Variants in SNTG1 observed in about 807,000 individuals in gnomAD.
SNTG1 encodes syntrophin gamma 1, also known as gamma-1-syntrophin.
SNTG1 carries 39 observed loss-of-function variants against 74.7 expected under a neutral mutation model. That is an observed-to-expected ratio of 0.52 (90% CI 0.40 to 0.68). The LOEUF is 0.68. SNTG1 is among the 30% of genes least tolerant of loss of function. The pLI, the probability that SNTG1 is intolerant of heterozygous loss-of-function variation, is 0.00. For synonymous variants in SNTG1, 254 were observed against 217.1 expected, an observed-to-expected ratio of 1.17 and a Z score of -1.49; for missense variants, 685 against 609.5, an observed-to-expected ratio of 1.12 and a Z score of -1.30.
chr8:50,013,935 T>C (rs961040576), intron 1 of SNTG1, among the ~76,000 whole-genome samples: 1 of 151,870 alleles, frequency 6.6e-6, no homozygotes, highest in African/African-American at 2.4e-5. Flanking sequence ...TTCCTCTAAC[T>C]CAATGTTAAT....
intron 2 of SNTG1, among the ~76,000 whole-genome samples, chr8:50,218,492 TA>T (rs2084905025): frequency 6.6e-6 from 1 of 152,172 alleles, no homozygotes; most frequent in African/African-American, 2.4e-5. Context: ...TAAAAATAAC[TA>T]TTTTTCTTAA....
rs111843813 is a variant in SNTG1, at chr8:50,331,531, A to G, written c.-27-62681A>G. Among the ~76,000 whole-genome samples the G allele has an allele frequency of 6.0e-3, 915 of 152,326 alleles. 7 individuals are homozygous for G. The highest frequency in any genetic ancestry group is 0.021 in the African/African-American group (857 of 41,578). On this transcript the variant is annotated intron_variant, in intron 2 of 18. Transcript: ENST00000642720. ...CTGAGAATCAGATGATACAGTGTCC[A>G]TGGTCAGAATTTTTCCATTTCAGTC...
chr8:50,092,842 G>A (rs1380901007), intron 1 of SNTG1, among the ~76,000 whole-genome samples: 1 of 152,098 alleles, frequency 6.6e-6, no homozygotes, highest in Non-Finnish European at 1.5e-5. Flanking sequence ...CTAGATTCTA[G>A]TAATGCAAAG....
intron 9 of SNTG1, among the ~76,000 whole-genome samples, chr8:50,516,562 G>C (rs1047371121): frequency 3.9e-5 from 6 of 152,126 alleles, no homozygotes; most frequent in African/African-American, 1.2e-4. Context: ...AAAGGTTAGA[G>C]GAATTGCTAA....
chr8:50,701,662 T>TCTTCTTCTTC (rs2095425087), intron 15 of SNTG1, among the ~76,000 whole-genome samples: 1 of 144,530 alleles, frequency 6.9e-6, no homozygotes, highest in Admixed American at 6.8e-5. Flanking sequence ...TTCTTCCTCT[T>TCTTCTTCTTC]CTTCTTCTTC....
intron 1 of SNTG1, among the ~76,000 whole-genome samples, chr8:50,132,010 G>A (rs1353778578): frequency 6.6e-6 from 1 of 151,950 alleles, no homozygotes; most frequent in Non-Finnish European, 1.5e-5. Context: ...TTATTTCTGG[G>A]TTTTCTATTT....
At chr8:50,432,171 T>A (rs1260028056) in intron 4 of SNTG1, among the ~76,000 whole-genome samples, 1 of 152,250 alleles carries the variant, frequency 6.6e-6, no homozygotes, top group Non-Finnish European at 1.5e-5. Flanking sequence ...AGCCTATCTA[T>A]GATACACTGT....
intron 18 of SNTG1, among the ~76,000 whole-genome samples, chr8:50,753,851 C>A (rs1463049108): frequency 6.6e-6 from 1 of 151,858 alleles, no homozygotes; most frequent in African/African-American, 2.4e-5. Context: ...TGTTGAAATT[C>A]TTTAAAGTCA....
chr8:50,382,699 A>G (rs1387701443), intron 2 of SNTG1, among the ~76,000 whole-genome samples: 1 of 152,220 alleles, frequency 6.6e-6, no homozygotes, highest in Non-Finnish European at 1.5e-5. Context: ...AAAATATTAC[A>G]CAATAAAACA....
Position 50,536,822 on chromosome 8 carries a change from T to C in SNTG1, c.680+14T>C. On this transcript the variant is annotated intron_variant, in intron 11 of 18. Transcript: ENST00000642720. ...AGATTTGAGTCGGTGAGTCCGTGTT[T>C]AGGAGTTATGACTGTTTTGTTTATG... 1 of 1,613,428 alleles carries C rather than the reference T, an allele frequency of 6.2e-7. No individual in the cohort carries two copies. The highest frequency in any genetic ancestry group is 8.5e-7 in the Non-Finnish European group (1 of 1,179,602).
intron 1 of SNTG1, among the ~76,000 whole-genome samples, chr8:50,160,524 C>T (rs2082382933): frequency 6.6e-6 from 1 of 152,072 alleles, no homozygotes; most frequent in Admixed American, 6.6e-5. Context: ...TCTGTGCTTT[C>T]ATTTTATATC....
chr8:50,209,831 C>T (rs554690778), intron 2 of SNTG1, among the ~76,000 whole-genome samples: 14 of 152,294 alleles, frequency 9.2e-5, no homozygotes, highest in East Asian at 1.9e-4. Context: ...TCCAAAGGAA[C>T]GTAGCTCCTC....
intron 8 of SNTG1, among the ~76,000 whole-genome samples, chr8:50,463,703 T>C (rs2093586429): frequency 6.6e-6 from 1 of 152,118 alleles, no homozygotes; most frequent in South Asian, 2.1e-4. Flanking sequence ...TTAAAGTCGC[T>C]AGCATTTTCA....
Position 50,793,980 on chromosome 8 carries a change from G to A in SNTG1, c.*1151G>A, listed in dbSNP as rs148973803. 161 of 151,870 alleles carry A rather than the reference G, an allele frequency of 1.1e-3. No homozygotes were observed. The highest frequency in any genetic ancestry group is 3.6e-3 in the African/African-American group (150 of 41,420). 9.4% of individuals were successfully genotyped at this position (151,870 alleles called of 1,614,324 possible). A position where few individuals can be genotyped will look rare whatever the true frequency, so the allele number is the denominator to read the frequency against. ...TGTCCTAAGAATGTAAATGTGAAAG[G>A]CTGGGAAATTTGAAAGCCTTAGAGG... On this transcript the variant is annotated 3_prime_UTR_variant, in exon 19 of 19. Transcript: ENST00000642720.
At chr8:50,691,741 C>T (rs2095380679) in intron 15 of SNTG1, among the ~76,000 whole-genome samples, 1 of 152,114 alleles carries the variant, frequency 6.6e-6, no homozygotes. Flanking sequence ...AGTTGCTCTT[C>T]TTAAGGAGTA....
chr8:50,610,964 G>C (rs2094845483), intron 13 of SNTG1, among the ~76,000 whole-genome samples: 1 of 113,552 alleles, frequency 8.8e-6, no homozygotes, highest in Non-Finnish European at 1.7e-5. Flanking sequence ...GACACTGGTA[G>C]ATAAGAAATA....
intron 8 of SNTG1, among the ~76,000 whole-genome samples, chr8:50,453,001 A>G (rs1258908353): frequency 6.6e-6 from 1 of 152,234 alleles, no homozygotes; most frequent in East Asian, 1.9e-4. Flanking sequence ...CATTCCTTGT[A>G]AAACACCAAA....
chr8:50,557,221 C>CA (rs570613406), intron 12 of SNTG1, among the ~76,000 whole-genome samples: 527 of 71,500 alleles, frequency 7.4e-3, no homozygotes, highest in East Asian at 0.014. Context: ...GGGAGAAAAC[C>CA]AAAAAAAAAA....
At chr8:50,532,051 T>G (rs928130286) in intron 10 of SNTG1, among the ~76,000 whole-genome samples, 3 of 152,240 alleles carry the variant, frequency 2.0e-5, no homozygotes, top group African/African-American at 7.2e-5. Context: ...AATTCAGTTT[T>G]ATAAAATTAA....
Sources: gnomAD v4.1 joint callset for allele counts (sites outside exome capture counted in the v4.1 genomes callset) on GRCh38, gnomAD v4.1.1 for gene constraint, MANE v1.5 for transcripts, NCBI Gene and HGNC (gene_info 2026-07-23, HGNC 2026-07-21) for gene names.